Variants in PIWIL2 observed in about 807,000 individuals in gnomAD.
The protein encoded by PIWIL2 is piwi-like protein 2.
PIWIL2 carries 81 observed loss-of-function variants against 116.5 expected under a neutral mutation model. The observed-to-expected ratio is 0.70, with a 90% CI of 0.58 to 0.84. The LOEUF (loss-of-function observed/expected upper bound fraction) is 0.84. Among genes scored for constraint, PIWIL2 ranks in the 40% least tolerant of loss-of-function variants. PIWIL2 has a pLI of 0.00. For missense variants in PIWIL2, 1,272 were observed against 1,212.3 expected, an observed-to-expected ratio of 1.05 and a Z score of -0.73; for synonymous variants, 489 against 429.5, an observed-to-expected ratio of 1.14 and a Z score of -1.71.
chr8:22,355,605 A>C lies in PIWIL2; in HGVS notation c.*100A>C, dbSNP rs1832472509. On this transcript the variant is annotated 3_prime_UTR_variant, in exon 23 of 23. Coordinates refer to ENST00000356766, the MANE Select transcript of PIWIL2 (RefSeq NM_018068.5). ...AGAGACTGAAGTGGGCTTTTGTGTT[A>C]TAATTTTCCCTTTCTCCAACCCTGT... 9.2e-7 allele frequency: 1 copy of C among 1,082,456 alleles called. No individual in the cohort carries two copies. Among genetic ancestry groups the C allele is most frequent in the Non-Finnish European group, 1.3e-6 (1 of 746,854 alleles). 67.1% of individuals were successfully genotyped at this position (1,082,456 alleles called of 1,614,324 possible).
intron 10 of PIWIL2, among the ~76,000 whole-genome samples, chr8:22,296,020 C>CTTTTTTTT (rs67357452): frequency 3.0e-4 from 31 of 102,838 alleles, no homozygotes; most frequent in Non-Finnish European, 4.7e-4. Context: ...CTCTTCCCTT[C>CTTTTTTTT]TTTTTTTTTT....
chr8:22,313,155 C>T (rs1407242018), intron 16 of PIWIL2, among the ~76,000 whole-genome samples: 1 of 152,170 alleles, frequency 6.6e-6, no homozygotes, highest in African/African-American at 2.4e-5. Context: ...ATTCATATCG[C>T]TTACCAACTT....
rs1039728166 is a variant in PIWIL2 at position 22,305,003 on chromosome 8, T to A, written c.1455+135T>A. 1.8e-5 allele frequency: 12 copies of A among 653,228 alleles called. No homozygotes were observed. In the African/African-American group the frequency reaches 2.0e-4, roughly 11 times the overall value. The allele number at this position is 653,228 out of a possible 1,614,324, so 40.5% of individuals were successfully genotyped here. A position where few individuals can be genotyped will look rare whatever the true frequency, so the allele number is the denominator to read the frequency against. On this transcript the variant is annotated intron_variant, in intron 12 of 22. Coordinates refer to ENST00000356766, the MANE Select transcript of PIWIL2 (RefSeq NM_018068.5). ...AGTTGCGGAAAGCTGTGCAAGTGTT[T>A]GTCTGTCTCATCCAGCCAGAGGCAC...
In PIWIL2 at chr8:22,281,114, C is replaced by G; in HGVS notation, c.199-6C>G. ...TCTTAGAACTTTATTCTTTGACTTT[C>G]CACAGGAGTCTGTGGGTTTGGTCTC... On this transcript the variant is annotated splice_polypyrimidine_tract_variant and splice_region_variant and intron_variant, in intron 2 of 22. Coordinates refer to ENST00000356766, the MANE Select transcript of PIWIL2 (RefSeq NM_018068.5). 7 of 1,595,700 alleles carry G rather than the reference C, an allele frequency of 4.4e-6. No individual in the cohort carries two copies. The highest frequency in any genetic ancestry group is 5.1e-6 in the Non-Finnish European group (6 of 1,168,868).
At chr8:22,275,915 G>A (rs1038756291) in intron 1 of PIWIL2, 33 of 152,342 alleles carry the variant, frequency 2.2e-4, no homozygotes, top group African/African-American at 7.7e-4. Context: ...CACTGGGAGA[G>A]GGCCCTCTGG....
intron 20 of PIWIL2, among the ~76,000 whole-genome samples, chr8:22,328,826 T>TG (rs1224715749): frequency 6.6e-6 from 1 of 150,906 alleles, no homozygotes; most frequent in African/African-American, 2.4e-5. Flanking sequence ...TCGTTTTTTT[T>TG]TTTTTTTTTT....
chr8:22,279,455 G>A lies in PIWIL2; in HGVS notation c.69G>A (p.Arg23=), dbSNP rs267601852. The change falls in exon 2 of 23, where the codon CGG becomes CGA. Residue 23 remains arginine, a synonymous_variant. Transcript: ENST00000356766. The part of the protein sequence containing the change: ...PIHPSQCQAV[R]MPGCWPQASK... ...ACCCATCCCAGTGCCAGGCTGTACG[G>A]ATGCCAGGCTGTTGGCCACAAGCTT... 10 of 1,614,104 alleles carry A rather than the reference G, an allele frequency of 6.2e-6. No individual in the cohort carries two copies. The highest frequency in any genetic ancestry group is 2.2e-5 in the East Asian group (1 of 44,874).
chr8:22,294,718 A>G (rs967410635), intron 10 of PIWIL2, among the ~76,000 whole-genome samples: 6 of 150,932 alleles, frequency 4.0e-5, no homozygotes, highest in African/African-American at 1.2e-4. Context: ...GAGACTGTTC[A>G]ATGAGTCCTA....
intron 20 of PIWIL2, among the ~76,000 whole-genome samples, chr8:22,332,006 A>G (rs1831874344): frequency 6.6e-6 from 1 of 152,130 alleles, no homozygotes; most frequent in African/African-American, 2.4e-5. Flanking sequence ...GGCTGGAAAG[A>G]GTCAACTGAA....
At chr8:22,346,898 G>C (rs1832239516) in intron 20 of PIWIL2, among the ~76,000 whole-genome samples, 1 of 151,982 alleles carries the variant, frequency 6.6e-6, no homozygotes, top group South Asian at 2.1e-4. Flanking sequence ...ATTTTTAGTT[G>C]GGCATAGCCG....
At chr8:22,330,457 G>A (rs953293542) in intron 20 of PIWIL2, among the ~76,000 whole-genome samples, 1 of 152,032 alleles carries the variant, frequency 6.6e-6, no homozygotes, top group Non-Finnish European at 1.5e-5. Context: ...CCAGTACTTT[G>A]GGAGGCCGAG....
intron 11 of PIWIL2, 50 bp from the exon 12 acceptor site, chr8:22,304,734 G>A: frequency 2.0e-6 from 2 of 1,011,034 alleles, no homozygotes; most frequent in Middle Eastern, 2.0e-4. Flanking sequence ...GGTGCTCTAA[G>A]AGTATTGATG....
At chr8:22,275,730 G>C (rs1305589636) in intron 1 of PIWIL2, 12 of 152,562 alleles carry the variant, frequency 7.9e-5, no homozygotes, top group Admixed American at 7.8e-4. Flanking sequence ...GGTGGAAAGG[G>C]GATGGGACTC....
intron 20 of PIWIL2, among the ~76,000 whole-genome samples, chr8:22,342,139 A>G (rs888585146): frequency 2.2e-4 from 29 of 134,692 alleles, no homozygotes; most frequent in African/African-American, 6.7e-4. Flanking sequence ...GGAAAACTAC[A>G]AAACTGATGA....
At position 22,318,201 on chromosome 8, in the gene PIWIL2, T is replaced by G. The variant is rs763827827; in HGVS notation, c.2329T>G (p.Phe777Val). 60 of 1,613,470 alleles carry G rather than the reference T, an allele frequency of 3.7e-5. No homozygotes were observed. The highest frequency in any genetic ancestry group is 4.8e-5 in the Non-Finnish European group (57 of 1,179,496). The change falls in exon 20 of 23, where the codon TTC (phenylalanine) becomes GTC (valine). Residue 777 changes from phenylalanine to valine, a missense_variant. By Grantham distance (50) the Phe-to-Val change is conservative. Coordinates refer to ENST00000356766, the MANE Select transcript of PIWIL2 (RefSeq NM_018068.5). ...CACAAAATGGTATTCCCGGGTGGTG[T>G]TCCAGATGCCGCATCAGGAGATTGT... ...TLTKWYSRVV[F>V]QMPHQEIVDS...
intron 20 of PIWIL2, among the ~76,000 whole-genome samples, chr8:22,325,123 G>A (rs1424816203): frequency 6.6e-6 from 1 of 152,134 alleles, no homozygotes; most frequent in Admixed American, 6.5e-5. Flanking sequence ...GACTGTTGAG[G>A]TCATGTGGGA....
In PIWIL2 at chr8:22,318,230, C is replaced by T; in HGVS notation, c.2358C>T (p.Asp786=). The change falls in exon 20 of 23, where the codon GAC becomes GAT. Residue 786 remains aspartate, a synonymous_variant. Transcript: ENST00000356766. ...AGATGCCGCATCAGGAGATTGTGGA[C>T]AGCCTGAAGCTATGCCTCGTGGGCT... ...VFQMPHQEIV[D]SLKLCLVGSL... 1 of 1,613,368 alleles carries T rather than the reference C, an allele frequency of 6.2e-7. No individual in the cohort carries two copies. The highest frequency in any genetic ancestry group is 8.5e-7 in the Non-Finnish European group (1 of 1,179,318).
chr8:22,283,032 A>C lies in PIWIL2; in HGVS notation c.426-2A>C. On this transcript the variant is annotated splice_acceptor_variant, in intron 4 of 22. Transcript: ENST00000356766. LOFTEE classifies it high-confidence loss of function. ...TGATTTGCCTCTCTCTCCACATTTCAGGACGCTTGGAAGAGGGAGTTCAGA... is the reference window on the plus strand; with the variant it reads ...TGATTTGCCTCTCTCTCCACATTTCCGGACGCTTGGAAGAGGGAGTTCAGA... 5 of 1,612,938 alleles carry C rather than the reference A, an allele frequency of 3.1e-6. No homozygotes were observed. Among genetic ancestry groups the C allele is most frequent in the African/African-American group, 1.3e-5 (1 of 75,002 alleles).
rs143824285 is a variant in PIWIL2 at position 22,305,438 on chromosome 8, C to T, written c.1456-489C>T. ...CGATCTCCTGACCTCGTGATTTGCC[C>T]GCCTCGGCCTCCTAAAGTGCTGGGA... On this transcript the variant is annotated intron_variant, in intron 12 of 22. Transcript: ENST00000356766. Among the ~76,000 whole-genome samples, 662 of 152,168 alleles carry T rather than the reference C, an allele frequency of 4.4e-3. 5 individuals carry two copies. The highest frequency in any genetic ancestry group is 0.015 in the African/African-American group (638 of 41,508).
Sources: allele counts gnomAD v4.1 joint callset (sites outside exome capture counted in the v4.1 genomes callset), GRCh38; gene constraint gnomAD v4.1.1; transcripts MANE v1.5; gene names NCBI Gene and HGNC (gene_info 2026-07-23, HGNC 2026-07-21).